The following TBCD variants were observed in gnomAD, a reference collection of about 807,000 sequenced individuals.
TBCD encodes the protein tubulin-specific chaperone D.
A neutral mutation model predicts 169.3 loss-of-function variants in TBCD; 105 were observed. The ratio of observed to expected loss-of-function variants is 0.62; its 90% CI spans 0.53 to 0.73. TBCD has a LOEUF of 0.73. Among genes scored for constraint, TBCD ranks in the 30% least tolerant of loss-of-function variants. TBCD has a pLI of 0.00. For missense variants in TBCD, 1,444 were observed against 1,600.1 expected, an observed-to-expected ratio of 0.90 and a Z score of 1.66; for synonymous variants, 700 against 643.9, an observed-to-expected ratio of 1.09 and a Z score of -1.32.
In TBCD at chr17:82,752,328, G is replaced by A. The variant is rs1598351444; in HGVS notation, c.135G>A (p.Glu45=). 3 of 1,438,268 alleles carry A rather than the reference G, an allele frequency of 2.1e-6. No individual in the cohort carries two copies. The highest frequency in any genetic ancestry group is 9.0e-7 in the Non-Finnish European group (1 of 1,107,802). The allele number at this position is 1,438,268 out of a possible 1,614,324, so 89.1% of individuals were successfully genotyped here. A position where few individuals can be genotyped will look rare whatever the true frequency, so the allele number is the denominator to read the frequency against. The change falls in exon 1 of 39, where the codon GAG becomes GAA. Residue 45 remains glutamate, a synonymous_variant. Transcript: ENST00000355528. ...ETRALLGRLR[E]VHGGGAEREV... ...GGGCGCTGCTGGGCCGCCTGCGGGA[G>A]GTGCACGGCGGCGGCGCGGAGCGCG...
At chr17:82,858,399 A>C (rs2145767466) in intron 13 of TBCD, 1 of 167,898 alleles carries the variant, frequency 6.0e-6, no homozygotes, top group South Asian at 2.0e-4. Context: ...ACTTACTTTC[A>C]CACCTTCCTA....
intron 11 of TBCD, among the ~76,000 whole-genome samples, chr17:82,808,372 G>GGT (rs1320258812): frequency 4.3e-5 from 6 of 140,300 alleles, no homozygotes; most frequent in African/African-American, 1.7e-4. Context: ...GGGGCCAGCA[G>GGT]ATGCTGGGGT....
At chr17:82,865,483 G>A (rs1250068637) in intron 13 of TBCD, 3 of 985,356 alleles carry the variant, frequency 3.0e-6, no homozygotes, top group Non-Finnish European at 3.6e-6. Flanking sequence ...TATGTGGGAG[G>A]TGCCCACGTT....
In TBCD at chr17:82,920,834, C is replaced by T. The variant is rs545638494; in HGVS notation, c.2101+216C>T. Among the ~76,000 whole-genome samples, 14 of 152,278 alleles carry T rather than the reference C, an allele frequency of 9.2e-5. No individual in the cohort carries two copies. In the East Asian group the frequency reaches 1.4e-3, roughly 15 times the overall value. On this transcript the variant is annotated intron_variant, in intron 24 of 38. Transcript: ENST00000355528. This position sits in a 1 kb window ranked among gnomAD's most constrained non-coding sequence, Gnocchi z 4.1. ...CCAACACAGGAGGGCCCTTCCCCGC[C>T]GTCACCTCAGTACCCCCACCTCCTC...
chr17:82,798,865 C>G (rs911527219), intron 8 of TBCD, among the ~76,000 whole-genome samples: 1 of 152,166 alleles, frequency 6.6e-6, no homozygotes, highest in Non-Finnish European at 1.5e-5. Flanking sequence ...ACCTCAGCCC[C>G]CTGAGTGGCT....
chr17:82,862,367 C>T (rs1394101285), intron 13 of TBCD, among the ~76,000 whole-genome samples: 8 of 151,734 alleles, frequency 5.3e-5, no homozygotes, highest in South Asian at 2.1e-4. Flanking sequence ...AGAAGCCTCT[C>T]GGCGGAGGAA....
chr17:82,786,323 G>T (rs979987667), intron 7 of TBCD, among the ~76,000 whole-genome samples: 3 of 152,300 alleles, frequency 2.0e-5, no homozygotes, highest in Middle Eastern at 3.4e-3. Flanking sequence ...CAAATGGGAG[G>T]TCTAACAGGA....
rs1464179320 is a variant in TBCD at position 82,903,323 on chromosome 17, C to T, written c.1731-82C>T. 2 of 1,342,412 alleles carry T rather than the reference C, an allele frequency of 1.5e-6. No homozygotes were observed. Among genetic ancestry groups the T allele is most frequent in the East Asian group, 5.0e-5 (2 of 39,690 alleles). 83.2% of individuals were successfully genotyped at this position (1,342,412 alleles called of 1,614,324 possible). ...GGCCGGTTGAGGACTCGTGTGTTGTCTCCCTCACTTTCTTTTTATGAATTG... is the reference window on the plus strand; with the variant it reads ...GGCCGGTTGAGGACTCGTGTGTTGTTTCCCTCACTTTCTTTTTATGAATTG... On this transcript the variant is annotated intron_variant, in intron 18 of 38. Coordinates refer to ENST00000355528, the MANE Select transcript of TBCD (RefSeq NM_005993.5). The surrounding 1 kb of genome is among the most constrained non-coding windows in gnomAD (Gnocchi z 4.8).
At chr17:82,894,615 C>T (rs150127078) in intron 17 of TBCD, among the ~76,000 whole-genome samples, 4 of 152,324 alleles carry the variant, frequency 2.6e-5, no homozygotes, top group African/African-American at 9.6e-5. Flanking sequence ...TATACCCTTT[C>T]AGGTTTCCTC....
At chr17:82,771,930 AAAAAACAAAAAC>A (rs1350148638) in intron 5 of TBCD, among the ~76,000 whole-genome samples, 3 of 152,136 alleles carry the variant, frequency 2.0e-5, no homozygotes, top group African/African-American at 7.2e-5. Flanking sequence ...TCTCAAAAAA[AAAAAACAAAAAC>A]AAAAACAAAA....
rs944723715 is a variant in TBCD, at chr17:82,945,778, A to C, written c.*3315A>C. 6.6e-6 allele frequency: 1 copy of C among 152,212 alleles called. No homozygotes were observed. The highest frequency in any genetic ancestry group is 2.4e-5 in the African/African-American group (1 of 41,450). 9.4% of individuals were successfully genotyped at this position (152,212 alleles called of 1,614,324 possible). A position where few individuals can be genotyped will look rare whatever the true frequency, so the allele number is the denominator to read the frequency against. On this transcript the variant is annotated 3_prime_UTR_variant, in exon 39 of 39. Transcript: ENST00000355528. ...AAAAAAATGTCTCCAGACACTGCCA[A>C]ATATCTTCTGGGGGTGCCCCTGGTT...
At chr17:82,774,288 A>G (rs1464165430) in intron 6 of TBCD, among the ~76,000 whole-genome samples, 1 of 152,148 alleles carries the variant, frequency 6.6e-6, no homozygotes, top group East Asian at 1.9e-4. Flanking sequence ...TCTGTTTAAC[A>G]AAGCACATCT....
intron 23 of TBCD, chr17:82,914,228 C>G (rs1365599149): frequency 6.6e-6 from 1 of 152,536 alleles, no homozygotes; most frequent in East Asian, 1.9e-4. Context: ...CATCCGGGTT[C>G]TCGGTGCTCT....
rs1333503741 is a variant in TBCD, at chr17:82,752,138, A to G, written c.-56A>G. ...CCTTCATCCCTGGCTTTCGCGCTCT[A>G]GCGGAGTGGGATCTGCGAACACGTG... is the stretch of plus-strand genomic sequence containing the variant. On this transcript the variant is annotated 5_prime_UTR_variant, in exon 1 of 39. Transcript: ENST00000355528. 1.4e-6 allele frequency: 2 copies of G among 1,450,850 alleles called. No homozygotes were observed. Among genetic ancestry groups the G allele is most frequent in the Admixed American group, 5.6e-5 (2 of 35,660 alleles). 89.9% of individuals were successfully genotyped at this position (1,450,850 alleles called of 1,614,324 possible).
chr17:82,760,071 A>G (rs1480653737), intron 2 of TBCD, among the ~76,000 whole-genome samples: 4 of 151,190 alleles, frequency 2.6e-5, no homozygotes, highest in Non-Finnish European at 4.4e-5. Context: ...AACGGTTTTC[A>G]TCATGTTGGC....
intron 33 of TBCD, among the ~76,000 whole-genome samples, chr17:82,931,505 T>G (rs971376182): frequency 3.4e-5 from 5 of 146,888 alleles, no homozygotes; most frequent in Non-Finnish European, 5.9e-5. Context: ...TCCGTGCCGG[T>G]CGCTCATTCC....
At chr17:82,865,535 C>T (rs747008375) in intron 13 of TBCD, 60 of 985,430 alleles carry the variant, frequency 6.1e-5, no homozygotes, top group Admixed American at 1.2e-4. Context: ...CTGTCTGTGC[C>T]GCGGGGGTAC....
intron 15 of TBCD, among the ~76,000 whole-genome samples, chr17:82,887,648 G>T (rs1314187387): frequency 1.3e-5 from 2 of 152,130 alleles, no homozygotes; most frequent in Non-Finnish European, 2.9e-5. Flanking sequence ...TAGTTTCTGG[G>T]TCGTGGTAGT....
chr17:82,834,498 A>C (rs1468879206), intron 13 of TBCD, among the ~76,000 whole-genome samples: 2 of 152,260 alleles, frequency 1.3e-5, no homozygotes, highest in African/African-American at 4.8e-5. Flanking sequence ...TGAATAAAGA[A>C]AATGCGGCAC....
Sources: allele counts gnomAD v4.1 joint callset (sites outside exome capture counted in the v4.1 genomes callset), GRCh38; gene constraint gnomAD v4.1.1; non-coding constraint Gnocchi (gnomAD v3.1); transcripts MANE v1.5; gene names NCBI Gene and HGNC (gene_info 2026-07-23, HGNC 2026-07-21).